ZEB2: variants seen among roughly 807,000 people sequenced by gnomAD.
ZEB2 encodes the protein zinc finger E-box-binding homeobox 2.
A neutral mutation model predicts 99.9 loss-of-function variants in ZEB2; 6 were observed. The observed-to-expected ratio is 0.06, with a 90% CI of 0.03 to 0.12. The LOEUF (loss-of-function observed/expected upper bound fraction) is 0.12, where lower values mean the gene tolerates loss of function less well. Ranked by LOEUF, ZEB2 falls within the 10% of genes least tolerant of loss-of-function variation. The pLI is 1.00. For synonymous variants in ZEB2, 517 were observed against 542.5 expected (o/e 0.95, Z 0.65); for missense variants, 969 against 1,502.8 (o/e 0.64, Z 5.87).
intron 2 of ZEB2, among the ~76,000 whole-genome samples, chr2:144,444,035 T>A (rs563516377): frequency 6.6e-6 from 1 of 152,280 alleles, no homozygotes; most frequent in East Asian, 1.9e-4. Flanking sequence ...AAATCCTTTA[T>A]GAAGAGCAAA....
chr2:144,445,456 C>T (rs1292222591), intron 2 of ZEB2, among the ~76,000 whole-genome samples: 1 of 152,058 alleles, frequency 6.6e-6, no homozygotes, highest in Non-Finnish European at 1.5e-5. Context: ...CTTCCTCTCA[C>T]TCTCCCTCTC....
intron 2 of ZEB2, chr2:144,461,853 G>A (rs938021326): frequency 3.3e-5 from 5 of 152,100 alleles, no homozygotes; most frequent in African/African-American, 4.8e-5. Flanking sequence ...GCAGATCACC[G>A]TTTTATTACA....
At chr2:144,495,234 G>A (rs999191900) in intron 2 of ZEB2, 8 of 152,178 alleles carry the variant, frequency 5.3e-5, no homozygotes, top group African/African-American at 1.9e-4. Flanking sequence ...TGAAACAATT[G>A]AGAAATGAAA....
intron 2 of ZEB2, among the ~76,000 whole-genome samples, chr2:144,489,633 C>T (rs571291656): frequency 1.3e-5 from 2 of 152,328 alleles, no homozygotes; most frequent in East Asian, 3.9e-4. Context: ...GATGTTGGAA[C>T]GGTGTAATTA....
chr2:144,477,353 C>T (rs1704444393), intron 2 of ZEB2, among the ~76,000 whole-genome samples: 1 of 152,230 alleles, frequency 6.6e-6, no homozygotes, highest in Admixed American at 6.5e-5. Context: ...AAAAGCCCAG[C>T]AAGTTTAGTC....
At chr2:144,396,685 T>C (rs2149875627) in intron 8 of ZEB2, 93 bp from the exon 9 acceptor site, 1 of 1,400,862 alleles carries the variant, frequency 7.1e-7, no homozygotes, top group East Asian at 2.4e-5. Flanking sequence ...AACCTCAAAA[T>C]TGCTTGCTAC....
intron 2 of ZEB2, among the ~76,000 whole-genome samples, chr2:144,468,194 G>T (rs1704299803): frequency 1.3e-5 from 2 of 152,080 alleles, no homozygotes; most frequent in South Asian, 4.2e-4. Flanking sequence ...GCAAGAAAAT[G>T]TATAGCTGCA....
chr2:144,430,466 T>C, intron 2 of ZEB2: 1 of 210,198 alleles, frequency 4.8e-6, no homozygotes, highest in Non-Finnish European at 1.1e-5. Context: ...ACTGTGGTTT[T>C]TTCCCTAGAA....
At position 144,384,781 on chromosome 2, in the gene ZEB2, T is replaced by C. The variant is rs1211640051; in HGVS notation, c.*4670A>G. The C allele has an allele frequency of 6.6e-6, 1 of 152,166 alleles. No homozygotes were observed. The highest frequency in any genetic ancestry group is 1.5e-5 in the Non-Finnish European group (1 of 68,018). 9.4% of individuals were successfully genotyped at this position (152,166 alleles called of 1,614,324 possible). On this transcript the variant is annotated 3_prime_UTR_variant, in exon 10 of 10. Transcript: ENST00000627532. ...GTCTCAAGTTCTAAAAAAAAATCAC[T>C]GTGCACAGTTTAACAATTTAATTGA...
chr2:144,493,027 C>G (rs192382554), intron 2 of ZEB2, among the ~76,000 whole-genome samples: 10 of 152,200 alleles, frequency 6.6e-5, no homozygotes, highest in Non-Finnish European at 1.0e-4. Context: ...AGAATGTATT[C>G]TTTTTGGAGG....
chr2:144,520,109 A>G lies in ZEB2; in HGVS notation c.-240T>C. The G allele has an allele frequency of 4.4e-6, 2 of 454,582 alleles. No homozygotes were observed. The highest frequency in any genetic ancestry group is 8.8e-6 in the Non-Finnish European group (2 of 226,804). The allele number at this position is 454,582 out of a possible 1,614,324, so 28.2% of individuals were successfully genotyped here. ...GGCAGGACCGTTATTCCTGCAGAGC[A>G]GGTTAGAACTGATCTCTTTCGGCCA... On this transcript the variant is annotated 5_prime_UTR_variant, in exon 1 of 10. Coordinates refer to ENST00000627532, the MANE Select transcript of ZEB2 (RefSeq NM_014795.4).
chr2:144,402,440 C>T (rs757843612), intron 6 of ZEB2, among the ~76,000 whole-genome samples: 3 of 152,126 alleles, frequency 2.0e-5, no homozygotes, highest in African/African-American at 4.8e-5. Context: ...GCCCGCCGAG[C>T]GCCATTGAGG....
intron 9 of ZEB2, among the ~76,000 whole-genome samples, chr2:144,392,309 G>C (rs964451378): frequency 1.3e-5 from 2 of 152,182 alleles, no homozygotes; most frequent in African/African-American, 4.8e-5. Flanking sequence ...ATTATGATAT[G>C]GCTTTCTTTT....
At chr2:144,412,922 C>T (rs1239950438) in intron 4 of ZEB2, among the ~76,000 whole-genome samples, 3 of 152,136 alleles carry the variant, frequency 2.0e-5, no homozygotes. Context: ...AGCATAGTGC[C>T]TGGGTCACAG....
Position 144,428,461 on chromosome 2 carries a change from T to G in ZEB2, c.331+1308A>C, listed in dbSNP as rs577091912. On this transcript the variant is annotated intron_variant, in intron 3 of 9. Transcript: ENST00000627532. ...ATCTTTCAAGCATCTTTGGCTGAGT[T>G]CTCCCTCATAGTTGAAAATCTAAAA... 7 of 152,296 alleles carry G rather than the reference T, an allele frequency of 4.6e-5. 1 individual carries two copies. Among genetic ancestry groups the G allele is most frequent in the African/African-American group, 1.7e-4 (7 of 41,570 alleles). 9.4% of individuals were successfully genotyped at this position (152,296 alleles called of 1,614,324 possible).
chr2:144,517,212 C>T, intron 2 of ZEB2, 66 bp downstream of exon 2: 1 of 1,600,956 alleles, frequency 6.2e-7, no homozygotes, highest in Admixed American at 1.7e-5. Context: ...TCCCTTTCCC[C>T]CTCCTTCTCC....
chr2:144,461,356 T>C (rs950366553), intron 2 of ZEB2: 1 of 152,308 alleles, frequency 6.6e-6, no homozygotes, highest in East Asian at 1.9e-4. Flanking sequence ...GTAGTAATAG[T>C]GCATATCAAT....
At chr2:144,409,834 A>C (rs938808694) in intron 4 of ZEB2, among the ~76,000 whole-genome samples, 2 of 151,878 alleles carry the variant, frequency 1.3e-5, no homozygotes, top group African/African-American at 4.8e-5. Context: ...GGCTGCAGAG[A>C]GCTGTGATCG....
intron 1 of ZEB2, chr2:144,518,440 CA>C (rs1388437430): frequency 6.6e-6 from 1 of 152,116 alleles, no homozygotes; most frequent in African/African-American, 2.4e-5. Flanking sequence ...TTAGTTTAAA[CA>C]GGGGGCTATA....
Sources: gnomAD v4.1 joint callset for allele counts (sites outside exome capture counted in the v4.1 genomes callset) on GRCh38, gnomAD v4.1.1 for gene constraint, MANE v1.5 for transcripts, NCBI Gene and HGNC (gene_info 2026-07-23, HGNC 2026-07-21) for gene names.